The following TBC1D1 variants were observed in gnomAD, a reference collection of about 807,000 sequenced individuals.
TBC1D1 encodes the protein TBC1 (tre-2/USP6, BUB2, cdc16) domain family, member 1.
A neutral mutation model predicts 125.6 loss-of-function variants in TBC1D1; 89 were observed. The ratio of observed to expected loss-of-function variants is 0.71; its 90% CI spans 0.60 to 0.85. The LOEUF (loss-of-function observed/expected upper bound fraction) is 0.85. Among genes scored for constraint, TBC1D1 ranks in the 40% least tolerant of loss-of-function variants. TBC1D1 has a pLI of 0.00. For missense variants in TBC1D1, 1,377 were observed against 1,469.2 expected, an observed-to-expected ratio of 0.94 and a Z score of 1.03; for synonymous variants, 565 against 564.1, an observed-to-expected ratio of 1.00 and a Z score of -0.02.
At chr4:37,918,925 T>C (rs1331173534) in intron 2 of TBC1D1, among the ~76,000 whole-genome samples, 2 of 152,186 alleles carry the variant, frequency 1.3e-5, no homozygotes, top group African/African-American at 4.8e-5. Context: ...AAAATGTTCA[T>C]TAGCATAATT....
Position 38,034,556 on chromosome 4 carries a change from G to A in TBC1D1, c.1303-1032G>A, listed in dbSNP as rs552005563. Among the ~76,000 whole-genome samples, 18 of 152,308 alleles carry A rather than the reference G, an allele frequency of 1.2e-4. No individual in the cohort carries two copies. The South Asian group carries it at 3.1e-3, about 26-fold the overall frequency. ...TACCTTTGCTTTGAATGCTTATTAT[G>A]TGCAGGGTAAAGTTGCTTCCTTAGT... On this transcript the variant is annotated intron_variant, in intron 7 of 19. Coordinates refer to ENST00000261439, the MANE Select transcript of TBC1D1 (RefSeq NM_015173.4).
rs1237698011 is a variant in TBC1D1, at chr4:38,014,581, G to A, written c.490G>A (p.Glu164Lys). The change falls in exon 3 of 20, where the codon GAG becomes AAG. Residue 164 changes from glutamate to lysine, a missense_variant. Coordinates refer to ENST00000261439, the MANE Select transcript of TBC1D1 (RefSeq NM_015173.4). The surrounding 1 kb of genome is among the most constrained non-coding windows in gnomAD (Gnocchi z 5.1). ...GCAGGAGGAGCTGCACTGCCCGTCCGAGTTCGACGACACGTTTTCCAAGAA... is the reference window on the plus strand; with the variant it reads ...GCAGGAGGAGCTGCACTGCCCGTCCAAGTTCGACGACACGTTTTCCAAGAA... The A allele has an allele frequency of 6.2e-7, 1 of 1,613,376 alleles. No homozygotes were observed. The highest frequency in any genetic ancestry group is 8.5e-7 in the Non-Finnish European group (1 of 1,180,038).
At chr4:37,912,568 C>A (rs1056129286) in intron 2 of TBC1D1, among the ~76,000 whole-genome samples, 3 of 152,140 alleles carry the variant, frequency 2.0e-5, no homozygotes, top group African/African-American at 7.2e-5. Flanking sequence ...TGTGTCTTCT[C>A]CAATATGTCT....
In TBC1D1 at chr4:38,118,124, A is replaced by G. The variant is rs1172973095; in HGVS notation, c.2894A>G (p.Tyr965Cys). The change falls in exon 17 of 20, where the codon TAC becomes TGC. Residue 965 changes from tyrosine to cysteine, a missense_variant. Physicochemically the swap from Tyr to Cys is radical, Grantham distance 194. Transcript: ENST00000261439. ...GAGCACGAGATCGGCCCCAGCCTCT[A>G]CGCTGCCCCCTGGTTCCTCACCATG... The G allele has an allele frequency of 4.3e-6, 7 of 1,613,962 alleles. No homozygotes were observed. The South Asian group carries it at 4.4e-5, about 10-fold the overall frequency.
At chr4:38,060,449 T>A (rs1452692414) in intron 12 of TBC1D1, among the ~76,000 whole-genome samples, 3 of 152,220 alleles carry the variant, frequency 2.0e-5, no homozygotes, top group African/African-American at 7.2e-5. Flanking sequence ...CTCCTTGTGG[T>A]TTTGATTTGC....
intron 2 of TBC1D1, among the ~76,000 whole-genome samples, chr4:37,988,386 G>C (rs1735881612): frequency 6.6e-6 from 1 of 152,174 alleles, no homozygotes; most frequent in Non-Finnish European, 1.5e-5. Flanking sequence ...GTCTAGGTCA[G>C]ATCTCTCCAC....
chr4:38,003,512 T>G (rs1193437142), intron 2 of TBC1D1, among the ~76,000 whole-genome samples: 1 of 152,144 alleles, frequency 6.6e-6, no homozygotes, highest in Non-Finnish European at 1.5e-5. Flanking sequence ...TTTTTGTCAT[T>G]TATTATTCGT....
Position 38,102,984 on chromosome 4 carries a change from C to G in TBC1D1, c.2399-15C>G. 6.2e-7 allele frequency: 1 copy of G among 1,608,048 alleles called. No individual in the cohort carries two copies. Reference sequence around the variant, plus strand: ...TGTGCATAAATTATTTCCATGTCTTCTCTCCCTTTTAAAGGTGTGCCACGT... The same window carrying G: ...TGTGCATAAATTATTTCCATGTCTTGTCTCCCTTTTAAAGGTGTGCCACGT... On this transcript the variant is annotated splice_polypyrimidine_tract_variant and intron_variant, in intron 14 of 19. Coordinates refer to ENST00000261439, the MANE Select transcript of TBC1D1 (RefSeq NM_015173.4).
intron 18 of TBC1D1, among the ~76,000 whole-genome samples, chr4:38,125,680 A>C (rs1764525831): frequency 6.6e-6 from 1 of 152,198 alleles, no homozygotes; most frequent in South Asian, 2.1e-4. Flanking sequence ...CAATAGAACC[A>C]TTATCCTCTG....
At chr4:38,071,048 T>C (rs1243579051) in intron 12 of TBC1D1, among the ~76,000 whole-genome samples, 1 of 152,258 alleles carries the variant, frequency 6.6e-6, no homozygotes, top group Non-Finnish European at 1.5e-5. Context: ...TTATTCAACT[T>C]GGCATGACCA....
chr4:38,017,957 A>C (rs1743160914), intron 3 of TBC1D1, among the ~76,000 whole-genome samples: 2 of 152,250 alleles, frequency 1.3e-5, no homozygotes, highest in African/African-American at 4.8e-5. Flanking sequence ...TGTACTAAAC[A>C]AATGGTAGAT....
chr4:38,124,973 C>G lies in TBC1D1; in HGVS notation c.2974C>G (p.Leu992Val). 6.2e-7 allele frequency: 1 copy of G among 1,612,568 alleles called. No individual in the cohort carries two copies. The highest frequency in any genetic ancestry group is 8.5e-7 in the Non-Finnish European group (1 of 1,179,564). The stretch of plus-strand genomic sequence containing the variant: ...CTGTGTTTTCTCAGATATGATTTTT[C>G]TTCAGGGAACAGAGGTCATATTTAA... Residue 992 changes from leucine (L) to valine (V), a missense_variant, in exon 18 of 20, where the codon CTT (leucine) becomes GTT (valine). This residue lies in a region of TBC1D1 where 543 missense variants were observed against 613.5 expected (regional missense o/e 0.89). Transcript: ENST00000261439.
rs945454212 is a variant in TBC1D1, at chr4:38,020,818, A to G, written c.1077+123A>G. The G allele has an allele frequency of 9.5e-6, 7 of 738,312 alleles. No individual in the cohort carries two copies. In the African/African-American group the frequency reaches 1.2e-4, roughly 13 times the overall value. The allele number at this position is 738,312 out of a possible 1,614,324, so 45.7% of individuals were successfully genotyped here. A position where few individuals can be genotyped will look rare whatever the true frequency, so the allele number is the denominator to read the frequency against. ...GACATATCATTATTTGTCTTTAGTT[A>G]TTTACTTATGACTATTTAGTAAGCA... On this transcript the variant is annotated intron_variant, in intron 5 of 19. Transcript: ENST00000261439.
At chr4:37,989,932 A>C (rs1249337161) in intron 2 of TBC1D1, among the ~76,000 whole-genome samples, 1 of 152,234 alleles carries the variant, frequency 6.6e-6, no homozygotes, top group Non-Finnish European at 1.5e-5. Context: ...TTGCCAACCA[A>C]AGACACAGAG....
At chr4:38,132,977 T>G in intron 18 of TBC1D1, 107 bp from the exon 21 acceptor site, 1 of 898,504 alleles carries the variant, frequency 1.1e-6, no homozygotes, top group Non-Finnish European at 1.7e-6. Flanking sequence ...GAGCTAAGCG[T>G]AGAGGAGACG....
intron 11 of TBC1D1, among the ~76,000 whole-genome samples, chr4:38,052,716 G>GCA (rs1560698393): frequency 5.1e-5 from 3 of 58,912 alleles, no homozygotes; most frequent in Non-Finnish European, 9.7e-5. Context: ...ACACACACGC[G>GCA]CGCGCGCGCG....
At chr4:38,086,433 T>C (rs149312992) in intron 12 of TBC1D1, among the ~76,000 whole-genome samples, 28 of 152,336 alleles carry the variant, frequency 1.8e-4, no homozygotes, top group African/African-American at 6.7e-4. Flanking sequence ...AGCCCCAAAA[T>C]GTCAGTAGTG....
chr4:37,996,544 G>A (rs749421100), intron 2 of TBC1D1, among the ~76,000 whole-genome samples: 30 of 152,176 alleles, frequency 2.0e-4, no homozygotes, highest in Non-Finnish European at 2.5e-4. Context: ...TGTTTCTACC[G>A]CTGATCAGAA....
chr4:38,135,892 A>ATGTG (rs1296481342), intron 19 of TBC1D1, among the ~76,000 whole-genome samples: 1 of 148,772 alleles, frequency 6.7e-6, no homozygotes. Context: ...GTGTGTATAT[A>ATGTG]TGTGTGTGTG....
Sources: gnomAD v4.1 joint callset for allele counts (sites outside exome capture counted in the v4.1 genomes callset) on GRCh38, gnomAD v4.1.1 for gene constraint, gnomAD v4.1.1 regional missense constraint, Gnocchi (gnomAD v3.1) non-coding constraint, MANE v1.5 for transcripts, NCBI Gene and HGNC (gene_info 2026-07-23, HGNC 2026-07-21) for gene names.